Variants in DAZL observed in about 807,000 individuals in gnomAD.
The protein encoded by DAZL is deleted in azoospermia-like.
A neutral mutation model predicts 45.0 loss-of-function variants in DAZL; 4 were observed. The ratio of observed to expected loss-of-function variants is 0.09; its 90% CI spans 0.04 to 0.20. The LOEUF (loss-of-function observed/expected upper bound fraction) is 0.20, where lower values mean the gene tolerates loss of function less well. Ranked by LOEUF, DAZL falls within the 10% of genes least tolerant of loss-of-function variation. The pLI is 1.00. For missense variants in DAZL, 326 were observed against 351.3 expected (o/e 0.93, Z 0.58); for synonymous variants, 122 against 112.4 (o/e 1.09, Z -0.54).
At chr3:16,604,654 A>C in intron 1 of DAZL, 1 of 1,340,498 alleles carries the variant, frequency 7.5e-7, no homozygotes, top group Non-Finnish European at 9.6e-7. Context: ...AGGGACCAGG[A>C]GGGAACCACT....
intron 10 of DAZL, among the ~76,000 whole-genome samples, chr3:16,590,761 A>G (rs923593463): frequency 6.6e-6 from 1 of 152,200 alleles, no homozygotes; most frequent in African/African-American, 2.4e-5. Context: ...ACCGGTCACA[A>G]AAGGCCACAT....
At chr3:16,588,833 A>G in intron 10 of DAZL, 120 bp from the exon 11 acceptor site, 1 of 774,954 alleles carries the variant, frequency 1.3e-6, no homozygotes, top group Non-Finnish European at 2.3e-6. Context: ...AAATAATGAG[A>G]AAAAAGATTA....
In DAZL at chr3:16,596,913, G is replaced by T. The variant is rs572307090; in HGVS notation, c.359-24C>A. The stretch of plus-strand genomic sequence containing the variant: ...ACCTTTTTGAAAAGCAAAAAGAAAA[G>T]GCCTATTTTTAGTTCTTTGAAAAGC... On this transcript the variant is annotated intron_variant, in intron 5 of 10. Transcript: ENST00000399444. 196 of 1,613,582 alleles carry T rather than the reference G, an allele frequency of 1.2e-4. 2 individuals carry two copies. In the South Asian group the frequency reaches 2.0e-3, roughly 17 times the overall value.
chr3:16,597,855 A>C (rs1694624003), intron 3 of DAZL, among the ~76,000 whole-genome samples: 1 of 152,340 alleles, frequency 6.6e-6, no homozygotes, highest in African/African-American at 2.4e-5. Flanking sequence ...TATGAAGAAA[A>C]CAGTTCTTTG....
chr3:16,602,929 T>C (rs1000291375), intron 1 of DAZL, among the ~76,000 whole-genome samples: 1 of 152,172 alleles, frequency 6.6e-6, no homozygotes, highest in Non-Finnish European at 1.5e-5. Flanking sequence ...TGAACATTAA[T>C]ACAGTCTTTA....
At position 16,595,336 on chromosome 3, in the gene DAZL, T is replaced by C. The variant is rs369007495; in HGVS notation, c.548A>G (p.Gln183Arg). Residue 183 changes from glutamine (Q) to arginine (R), a missense_variant, in exon 7 of 11, where the codon CAG (glutamine) becomes CGG (arginine). Gln to Arg is a conservative substitution (Grantham distance 43). Coordinates refer to ENST00000399444, the MANE Select transcript of DAZL (RefSeq NM_001351.4). ...NSPVQVITGYQLPVYNYQMPP... is the reference protein window; with the variant it reads ...NSPVQVITGYRLPVYNYQMPP... ...TACCTGATAATTATATACAGGCAAC[T>C]GATATCCAGTGATGACCTGAACTGG... The C allele has an allele frequency of 7.7e-6, 12 of 1,568,580 alleles. No homozygotes were observed. Among genetic ancestry groups the C allele is most frequent in the African/African-American group, 1.4e-5 (1 of 73,758 alleles).
Position 16,605,220 on chromosome 3 carries a change from G to A in DAZL, c.-15C>T, listed in dbSNP as rs113870916. The A allele has an allele frequency of 2.5e-5, 40 of 1,614,190 alleles. 1 individual carries two copies. The highest frequency in any genetic ancestry group is 2.0e-4 in the African/African-American group (15 of 75,074). On this transcript the variant is annotated 5_prime_UTR_variant, in exon 1 of 11. Coordinates refer to ENST00000399444, the MANE Select transcript of DAZL (RefSeq NM_001351.4). Reference sequence around the variant, plus strand: ...CAACTCACCATGATGGCGGCAGGCAGCAGTTCCCGACCGGCTCCAGGAGGA... The same window carrying A: ...CAACTCACCATGATGGCGGCAGGCAACAGTTCCCGACCGGCTCCAGGAGGA...
Position 16,588,601 on chromosome 3 carries a change from C to T in DAZL, c.*59G>A, listed in dbSNP as rs1694473304. 28 of 1,336,450 alleles carry T rather than the reference C, an allele frequency of 2.1e-5. No individual in the cohort carries two copies. The highest frequency in any genetic ancestry group is 2.6e-5 in the Non-Finnish European group (24 of 927,514). 82.8% of individuals were successfully genotyped at this position (1,336,450 alleles called of 1,614,324 possible). A position where few individuals can be genotyped will look rare whatever the true frequency, so the allele number is the denominator to read the frequency against. ...TTCAGAATTTCTATAATAGTGGAAACCTTTTAGCTTAATATTCAAAACCAG... is the reference window on the plus strand; with the variant it reads ...TTCAGAATTTCTATAATAGTGGAAATCTTTTAGCTTAATATTCAAAACCAG... On this transcript the variant is annotated 3_prime_UTR_variant, in exon 11 of 11. Coordinates refer to ENST00000399444, the MANE Select transcript of DAZL (RefSeq NM_001351.4).
At position 16,588,006 on chromosome 3, in the gene DAZL, C is replaced by G. The variant is rs1169068143; in HGVS notation, c.*654G>C. 1 of 169,162 alleles carries G rather than the reference C, an allele frequency of 5.9e-6. No individual in the cohort carries two copies. The highest frequency in any genetic ancestry group is 2.4e-5 in the African/African-American group (1 of 41,800). The allele number at this position is 169,162 out of a possible 1,614,324, so 10.5% of individuals were successfully genotyped here. On this transcript the variant is annotated 3_prime_UTR_variant, in exon 11 of 11. Transcript: ENST00000399444. The stretch of plus-strand genomic sequence containing the variant: ...AATTAGGCCCAGAATTTTAGTTATC[C>G]TAATTACTACCCTAATCAAATAGGA...
At chr3:16,599,111 T>C (rs932241353) in intron 1 of DAZL, among the ~76,000 whole-genome samples, 1 of 152,098 alleles carries the variant, frequency 6.6e-6, no homozygotes, top group Non-Finnish European at 1.5e-5. Context: ...AAACCCAGTA[T>C]TGCTCATTAC....
rs565022865 is a variant in DAZL, at chr3:16,588,137, A to C, written c.*523T>G. On this transcript the variant is annotated 3_prime_UTR_variant, in exon 11 of 11. Coordinates refer to ENST00000399444, the MANE Select transcript of DAZL (RefSeq NM_001351.4). ...TCTGTTTTGCTGGGTTTAGATAAGA[A>C]GACTTCAATAAAGCTAACTATATAT... The C allele has an allele frequency of 1.0e-4, 17 of 167,582 alleles. No individual in the cohort carries two copies. In the South Asian group the frequency reaches 2.8e-3, roughly 27 times the overall value. The allele number at this position is 167,582 out of a possible 1,614,324, so 10.4% of individuals were successfully genotyped here. A position where few individuals can be genotyped will look rare whatever the true frequency, so the allele number is the denominator to read the frequency against.
At chr3:16,594,969 A>G (rs1011123025) in intron 7 of DAZL, among the ~76,000 whole-genome samples, 4 of 152,246 alleles carry the variant, frequency 2.6e-5, no homozygotes, top group Middle Eastern at 6.8e-3. Context: ...TAAGAATTGG[A>G]TAATTTTATT....
At position 16,605,287 on chromosome 3, in the gene DAZL, A is replaced by C. The variant is rs1035195095; in HGVS notation, c.-82T>G. The C allele has an allele frequency of 1.3e-6, 2 of 1,564,766 alleles. No individual in the cohort carries two copies. Among genetic ancestry groups the C allele is most frequent in the Non-Finnish European group, 1.8e-6 (2 of 1,135,306 alleles). On this transcript the variant is annotated 5_prime_UTR_variant, in exon 1 of 11. Transcript: ENST00000399444. ...GCGCACCACTTCTGGGGCTGCTGTGAGGTCCGCTGGAACCCGCTGCGCGGC... is the reference window on the plus strand; with the variant it reads ...GCGCACCACTTCTGGGGCTGCTGTGCGGTCCGCTGGAACCCGCTGCGCGGC...
chr3:16,596,937 G>C (rs2125046302), intron 5 of DAZL, 48 bp from the exon 6 acceptor site: 1 of 1,612,948 alleles, frequency 6.2e-7, no homozygotes. Context: ...TCTTTGAAAA[G>C]CTACACAATT....
chr3:16,602,658 A>G (rs1417733147), intron 1 of DAZL, among the ~76,000 whole-genome samples: 1 of 152,248 alleles, frequency 6.6e-6, no homozygotes, highest in Non-Finnish European at 1.5e-5. Flanking sequence ...TTTATATTGG[A>G]AATGCAAGAA....
At chr3:16,604,596 A>G in intron 1 of DAZL, 1 of 1,395,222 alleles carries the variant, frequency 7.2e-7, no homozygotes, top group Non-Finnish European at 9.3e-7. Context: ...AGGACGCCCC[A>G]CACCCCACGC....
chr3:16,599,999 A>AT (rs903137636), intron 1 of DAZL, among the ~76,000 whole-genome samples: 1 of 151,946 alleles, frequency 6.6e-6, no homozygotes, highest in African/African-American at 2.4e-5. Flanking sequence ...TTATTTTCAG[A>AT]TTTTTTTTCA....
At chr3:16,588,956 A>T (rs2125042906) in intron 10 of DAZL, among the ~76,000 whole-genome samples, 1 of 152,306 alleles carries the variant, frequency 6.6e-6, no homozygotes, top group Non-Finnish European at 1.5e-5. Flanking sequence ...AAATCCCATT[A>T]AACTCAGAAA....
intron 1 of DAZL, 115 bp from the exon 2 acceptor site, chr3:16,598,713 C>G (rs1333122612): frequency 8.5e-7 from 1 of 1,170,310 alleles, no homozygotes; most frequent in East Asian, 3.9e-5. Flanking sequence ...TACTTTCATT[C>G]TAAGTTAGTT....
Sources: gnomAD v4.1 joint callset for allele counts (sites outside exome capture counted in the v4.1 genomes callset) on GRCh38, gnomAD v4.1.1 for gene constraint, MANE v1.5 for transcripts, NCBI Gene and HGNC (gene_info 2026-07-23, HGNC 2026-07-21) for gene names.